Variants in AR observed in about 807,000 individuals in gnomAD.
AR encodes androgen receptor.
Under a neutral mutation model 53.9 loss-of-function variants are expected in AR, and 8 were observed. That is an observed-to-expected ratio of 0.15 (90% confidence interval 0.09 to 0.27). The LOEUF (loss-of-function observed/expected upper bound fraction) is 0.27, where lower values mean the gene tolerates loss of function less well. AR is among the 10% of genes least tolerant of loss of function. AR has a pLI of 1.00. For synonymous variants in AR, 359 were observed against 316.4 expected (o/e 1.13, Z -1.43); for missense variants, 639 against 742.5 (o/e 0.86, Z 1.62).
chrX:67,585,866 A>C (rs1398356065), intron 1 of AR, among the ~76,000 whole-genome samples: 1 of 111,995 alleles, frequency 8.9e-6, no homozygotes, highest in Non-Finnish European at 1.9e-5. Context: ...CAGACACTAT[A>C]ATTTTATGTC....
chrX:67,685,826 G>A (rs1196228544), intron 2 of AR, 184 bp from the exon 3 acceptor site: 2 of 628,102 alleles, frequency 3.2e-6, no homozygotes, highest in African/African-American at 2.3e-5. Flanking sequence ...AAACAATATA[G>A]TGCCAAATTA....
intron 1 of AR, among the ~76,000 whole-genome samples, chrX:67,630,996 T>A (rs1925064534): frequency 8.9e-6 from 1 of 111,985 alleles, no homozygotes; most frequent in Non-Finnish European, 1.9e-5. Flanking sequence ...GTAAAGTTTC[T>A]GCCGAGAGAT....
intron 1 of AR, among the ~76,000 whole-genome samples, chrX:67,612,123 T>C (rs1923910682): frequency 8.9e-6 from 1 of 112,504 alleles, no homozygotes; most frequent in African/African-American, 3.2e-5. Context: ...ATGGTTTTCG[T>C]TATGAATGTG....
chrX:67,601,655 A>C (rs1923363669), intron 1 of AR, among the ~76,000 whole-genome samples: 2 of 112,343 alleles, frequency 1.8e-5, no homozygotes, highest in Admixed American at 1.9e-4. Context: ...GTAAGAAAAA[A>C]GTTTATTTCA....
At chrX:67,588,677 C>T (rs1033866066) in intron 1 of AR, among the ~76,000 whole-genome samples, 11 of 112,416 alleles carry the variant, frequency 9.8e-5, no homozygotes, top group African/African-American at 3.2e-4. Flanking sequence ...TGCCCCAGGA[C>T]ATTGACTAAA....
intron 3 of AR, among the ~76,000 whole-genome samples, chrX:67,687,076 T>C (rs961893878): frequency 3.6e-5 from 4 of 111,855 alleles, no homozygotes; most frequent in African/African-American, 1.3e-4. Context: ...TATTTCTGAG[T>C]GCCTGCAACT....
intron 1 of AR, among the ~76,000 whole-genome samples, chrX:67,552,191 TCCCTC>T (rs1199513226): frequency 8.0e-5 from 9 of 111,816 alleles, no homozygotes; most frequent in Admixed American, 4.7e-4. Flanking sequence ...CCCCCTATAT[TCCCTC>T]AGTCCTTAGC....
rs1255992515 is a variant in AR at position 67,546,390 on chromosome X, A to T, written c.1244A>T (p.His415Leu). 1 of 1,183,960 alleles carries T rather than the reference A, an allele frequency of 8.4e-7. No homozygotes were observed. Among genetic ancestry groups the T allele is most frequent in the Non-Finnish European group, 1.1e-6 (1 of 882,315 alleles). The change falls in exon 1 of 8, where the codon CAT becomes CTT. Residue 415 changes from histidine to leucine, a missense_variant. His to Leu is a moderately conservative substitution (Grantham distance 99). Around this residue, in one of 5 missense-constraint regions of AR, gnomAD observed 423 missense variants for 377.0 expected, o/e 1.12. Coordinates refer to ENST00000374690, the MANE Select transcript of AR (RefSeq NM_000044.6). ...CGCTATGGGGACCTGGCGAGCCTGC[A>T]TGGCGCGGGTGCAGCGGGACCCGGT... ...QCRYGDLASL[H>L]GAGAAGPGSG...
At chrX:67,715,061 G>T (rs1478669733) in intron 4 of AR, among the ~76,000 whole-genome samples, 1 of 111,430 alleles carries the variant, frequency 9.0e-6, no homozygotes, top group Admixed American at 9.6e-5. Flanking sequence ...TGGACAATTT[G>T]CTTGATACCT....
At chrX:67,662,510 G>A (rs1926984756) in intron 2 of AR, among the ~76,000 whole-genome samples, 2 of 111,750 alleles carry the variant, frequency 1.8e-5, no homozygotes, top group Non-Finnish European at 3.8e-5. Flanking sequence ...TTTTGAGTGA[G>A]TTTCTTAATC....
At chrX:67,547,291 G>GTC (rs964294341) in intron 1 of AR, among the ~76,000 whole-genome samples, 2 of 111,647 alleles carry the variant, frequency 1.8e-5, no homozygotes, top group Non-Finnish European at 3.8e-5. Flanking sequence ...AAAGAAAGTG[G>GTC]TCTCTGGGTG....
chrX:67,597,596 G>A (rs897686297), intron 1 of AR, among the ~76,000 whole-genome samples: 3 of 111,827 alleles, frequency 2.7e-5, no homozygotes, highest in African/African-American at 9.8e-5. Flanking sequence ...CCCTTCATAA[G>A]CAAACATGCA....
chrX:67,611,888 T>A (rs1419663500), intron 1 of AR, among the ~76,000 whole-genome samples: 5 of 112,163 alleles, frequency 4.5e-5, no homozygotes, highest in Admixed American at 3.8e-4. Context: ...ATCATTCAAT[T>A]TAACCAGATG....
chrX:67,615,059 A>G (rs1261392075), intron 1 of AR, among the ~76,000 whole-genome samples: 1 of 110,862 alleles, frequency 9.0e-6, no homozygotes, highest in African/African-American at 3.3e-5. Context: ...GGTAGAAAGA[A>G]AAAAAGAATG....
chrX:67,642,396 C>T (rs756975048), intron 1 of AR, among the ~76,000 whole-genome samples: 12 of 111,834 alleles, frequency 1.1e-4, no homozygotes, highest in African/African-American at 3.6e-4. Flanking sequence ...CTTTCTGGCC[C>T]TTCTCCTTCA....
intron 3 of AR, among the ~76,000 whole-genome samples, chrX:67,702,577 A>G (rs1035558645): frequency 9.8e-5 from 11 of 111,942 alleles, no homozygotes; most frequent in Admixed American, 9.5e-4. Flanking sequence ...ATTGTTGGAC[A>G]AAGTCATCTT....
At chrX:67,659,090 G>A (rs767497210) in intron 2 of AR, among the ~76,000 whole-genome samples, 1 of 110,828 alleles carries the variant, frequency 9.0e-6, no homozygotes, top group African/African-American at 3.3e-5. Context: ...GAAAAGAAAG[G>A]CCTCCTATGT....
At chrX:67,692,187 G>C (rs1390884383) in intron 3 of AR, among the ~76,000 whole-genome samples, 1 of 111,988 alleles carries the variant, frequency 8.9e-6, no homozygotes, top group African/African-American at 3.2e-5. Flanking sequence ...TTCCTGTTCA[G>C]CAGGCAGCAG....
intron 1 of AR, among the ~76,000 whole-genome samples, chrX:67,640,510 C>A (rs1925695512): frequency 9.0e-6 from 1 of 111,114 alleles, no homozygotes; most frequent in African/African-American, 3.3e-5. Context: ...TGTTATAGTT[C>A]TATTCAGGTA....
Sources: allele counts gnomAD v4.1 joint callset (sites outside exome capture counted in the v4.1 genomes callset), GRCh38; gene constraint gnomAD v4.1.1; regional missense constraint gnomAD v4.1.1; transcripts MANE v1.5; gene names NCBI Gene and HGNC (gene_info 2026-07-23, HGNC 2026-07-21).